AGPS: variants seen among roughly 807,000 people sequenced by gnomAD.
AGPS encodes the protein alkyldihydroxyacetonephosphate synthase, peroxisomal.
Under a neutral mutation model 90.7 loss-of-function variants are expected in AGPS, and 26 were observed. That is an observed-to-expected ratio of 0.29 (90% CI 0.21 to 0.40). The LOEUF (loss-of-function observed/expected upper bound fraction) is 0.40. Among genes scored for constraint, AGPS ranks in the 10% least tolerant of loss-of-function variants. The pLI is 1.00. For missense variants in AGPS, 540 were observed against 816.1 expected (o/e 0.66, Z 4.12); for synonymous variants, 294 against 285.3 (o/e 1.03, Z -0.31).
chr2:177,402,689 T>C (rs1685361989), intron 1 of AGPS, among the ~76,000 whole-genome samples: 1 of 152,198 alleles, frequency 6.6e-6, no homozygotes, highest in South Asian at 2.1e-4. Context: ...TGTCATAGGA[T>C]ATAATATGTA....
intron 18 of AGPS, among the ~76,000 whole-genome samples, chr2:177,522,883 T>G (rs541811220): frequency 9.2e-5 from 14 of 152,352 alleles, no homozygotes; most frequent in African/African-American, 2.9e-4. Context: ...CCCAAGGTAC[T>G]ATAGATATTT....
chr2:177,454,605 A>C (rs1687056301), intron 8 of AGPS, among the ~76,000 whole-genome samples: 1 of 150,424 alleles, frequency 6.6e-6, no homozygotes, highest in Non-Finnish European at 1.5e-5. Flanking sequence ...TTTTATTTTT[A>C]TTTTTAATTT....
At chr2:177,408,332 A>G (rs1341449512) in intron 1 of AGPS, among the ~76,000 whole-genome samples, 3 of 152,216 alleles carry the variant, frequency 2.0e-5, no homozygotes, top group African/African-American at 7.2e-5. Context: ...TGGAATTTGA[A>G]TAAATATATT....
At chr2:177,516,924 CT>C (rs543946271) in intron 17 of AGPS, among the ~76,000 whole-genome samples, 1 of 151,786 alleles carries the variant, frequency 6.6e-6, no homozygotes, top group African/African-American at 2.4e-5. Context: ...TTCAAGGGAT[CT>C]TTTTTTTATG....
intron 1 of AGPS, among the ~76,000 whole-genome samples, chr2:177,396,942 C>CTTTTTT (rs757187515): frequency 1.8e-4 from 25 of 140,550 alleles, no homozygotes; most frequent in African/African-American, 6.5e-4. Flanking sequence ...TTTTTCTTTT[C>CTTTTTT]TTTTTTTTTT....
At chr2:177,449,229 A>G (rs1339066112) in intron 8 of AGPS, among the ~76,000 whole-genome samples, 1 of 152,238 alleles carries the variant, frequency 6.6e-6, no homozygotes, top group African/African-American at 2.4e-5. Flanking sequence ...GAATAGATCA[A>G]AATGGTAGGT....
At chr2:177,464,300 T>G (rs1559057954) in intron 9 of AGPS, among the ~76,000 whole-genome samples, 1 of 152,226 alleles carries the variant, frequency 6.6e-6, no homozygotes, top group Non-Finnish European at 1.5e-5. Flanking sequence ...CCTCTGAAGC[T>G]GTCTTAATTT....
chr2:177,461,175 A>T (rs1437436149), intron 8 of AGPS, among the ~76,000 whole-genome samples: 1 of 152,192 alleles, frequency 6.6e-6, no homozygotes, highest in Admixed American at 6.5e-5. Context: ...GAGATGGCTG[A>T]GTCTTTAAAA....
intron 1 of AGPS, among the ~76,000 whole-genome samples, chr2:177,399,947 T>A (rs992800939): frequency 1.3e-5 from 2 of 152,256 alleles, no homozygotes; most frequent in African/African-American, 4.8e-5. Flanking sequence ...TCCTCATCGA[T>A]GAATAGTATT....
intron 2 of AGPS, among the ~76,000 whole-genome samples, chr2:177,425,612 ACT>A (rs1180003991): frequency 8.0e-6 from 1 of 125,378 alleles, no homozygotes; most frequent in Admixed American, 9.7e-5. Flanking sequence ...CAAGAGTGAA[ACT>A]CTGCCTAGAA....
At chr2:177,409,096 A>G (rs1685546842) in intron 1 of AGPS, among the ~76,000 whole-genome samples, 1 of 151,518 alleles carries the variant, frequency 6.6e-6, no homozygotes, top group South Asian at 2.1e-4. Flanking sequence ...CATTTTTTCC[A>G]TGGGTTTGCC....
chr2:177,473,938 G>C (rs1314122207), intron 10 of AGPS, among the ~76,000 whole-genome samples: 2 of 152,142 alleles, frequency 1.3e-5, no homozygotes, highest in African/African-American at 4.8e-5. Context: ...AATTTATGGT[G>C]AGTTTCACTA....
At position 177,470,057 on chromosome 2, in the gene AGPS, G is replaced by A. The variant is rs546737335; in HGVS notation, c.1105+1533G>A. ...AAGTGGTCTTTGAGGTTGATAAGAA[G>A]AAAATAATTCCAGGTCAAGTTGAGG... On this transcript the variant is annotated intron_variant, in intron 10 of 19. Coordinates refer to ENST00000264167, the MANE Select transcript of AGPS (RefSeq NM_003659.4). Among the ~76,000 whole-genome samples, 3 of 152,278 alleles carry A rather than the reference G, an allele frequency of 2.0e-5. No individual in the cohort carries two copies. In the South Asian group the frequency reaches 6.2e-4, roughly 32 times the overall value.
chr2:177,392,818 G>GGACTGGCTTGGGCGCGGGCGC lies in AGPS; in HGVS notation c.32_52dup (p.Thr11_Ala17dup), dbSNP rs745481255. ...GCGGAGGCGGCGGCTGCAGCGGGTG[G>GGACTGGCTTGGGCGCGGGCGC]GACTGGCTTGGGCGCGGGCGCGAGC... is the stretch of plus-strand genomic sequence containing the variant. On this transcript the variant is annotated inframe_insertion, in exon 1 of 20. Coordinates refer to ENST00000264167, the MANE Select transcript of AGPS (RefSeq NM_003659.4). The GGACTGGCTTGGGCGCGGGCGC allele has an allele frequency of 1.4e-5, 21 of 1,547,052 alleles. No individual in the cohort carries two copies. The highest frequency in any genetic ancestry group is 2.1e-4 in the Middle Eastern group (1 of 4,824).
At chr2:177,399,735 C>G (rs1021604182) in intron 1 of AGPS, among the ~76,000 whole-genome samples, 1 of 152,176 alleles carries the variant, frequency 6.6e-6, no homozygotes, top group Non-Finnish European at 1.5e-5. Context: ...TACCAGTACT[C>G]TAGGAAGCCC....
chr2:177,511,030 G>T (rs1688853651), intron 16 of AGPS, among the ~76,000 whole-genome samples: 1 of 152,132 alleles, frequency 6.6e-6, no homozygotes, highest in African/African-American at 2.4e-5. Context: ...TTATGAATGA[G>T]CTTGGGAATA....
chr2:177,505,480 ATTAACAGTTTGTTCT>A lies in AGPS; in HGVS notation c.1476-21_1476-7del, dbSNP rs1250167545. On this transcript the variant is annotated splice_polypyrimidine_tract_variant and intron_variant, in intron 14 of 19. Coordinates refer to ENST00000264167, the MANE Select transcript of AGPS (RefSeq NM_003659.4). The stretch of plus-strand genomic sequence containing the variant: ...TAAATGAGATTAAGATAAAAAATTT[ATTAACAGTTTGTTCT>A]TTAATTACAGTGGGTTGGCAGCTGG... 1 of 1,598,860 alleles carries A rather than the reference ATTAACAGTTTGTTCT, an allele frequency of 6.3e-7. No homozygotes were observed. The highest frequency in any genetic ancestry group is 8.6e-7 in the Non-Finnish European group (1 of 1,167,100).
rs115737772 is a variant in AGPS at position 177,487,623 on chromosome 2, C to A, written c.1233+5437C>A. Among the ~76,000 whole-genome samples, 945 of 152,140 alleles carry A rather than the reference C, an allele frequency of 6.2e-3. 10 individuals carry two copies. Among genetic ancestry groups the A allele is most frequent in the African/African-American group, 0.021 (887 of 41,512 alleles). ...TTACCTTATAAAACACTTAAAACTT[C>A]TTTTTATTCAACAGTAATTCTTGGG... On this transcript the variant is annotated intron_variant, in intron 11 of 19. Coordinates refer to ENST00000264167, the MANE Select transcript of AGPS (RefSeq NM_003659.4).
intron 19 of AGPS, among the ~76,000 whole-genome samples, chr2:177,529,336 G>A (rs1043132851): frequency 5.9e-5 from 9 of 152,078 alleles, no homozygotes; most frequent in African/African-American, 2.2e-4. Flanking sequence ...TCACTGTGGT[G>A]GCACATGCCT....
Sources: gnomAD v4.1 joint callset for allele counts (sites outside exome capture counted in the v4.1 genomes callset) on GRCh38, gnomAD v4.1.1 for gene constraint, MANE v1.5 for transcripts, NCBI Gene and HGNC (gene_info 2026-07-23, HGNC 2026-07-21) for gene names.